Variants in IL1RAPL1 observed in about 807,000 individuals in gnomAD.
IL1RAPL1 encodes interleukin-1 receptor accessory protein-like 1.
IL1RAPL1 carries 3 observed loss-of-function variants against 48.4 expected under a neutral mutation model. The ratio of observed to expected loss-of-function variants is 0.06; its 90% CI spans 0.03 to 0.16. IL1RAPL1 has a LOEUF of 0.16. IL1RAPL1 is among the 10% of genes least tolerant of loss of function. IL1RAPL1 has a pLI of 1.00. For missense variants in IL1RAPL1, 349 were observed against 530.6 expected (o/e 0.66, Z 3.36); for synonymous variants, 185 against 187.7 (o/e 0.99, Z 0.12).
rs1211624274 is a variant in IL1RAPL1 at position 29,381,518 on chromosome X, A to AAC, written c.363-14739_363-14738insCA. 6.3e-5 allele frequency among the ~76,000 whole-genome samples: 6 copies of AAC among 94,879 alleles called. No homozygotes were observed. The East Asian group carries it at 1.7e-3, about 26-fold the overall frequency. The allele number at this position is 94,879 out of a possible 115,157, so 82.4% of individuals were successfully genotyped here. The stretch of plus-strand genomic sequence containing the variant: ...AAAAAAAAAAAAAAAAAAAAAAAAA[A>AAC]AAAAAAAAAAACTTAGCTGGACATG... On this transcript the variant is annotated intron_variant, in intron 3 of 10. Coordinates refer to ENST00000378993, the MANE Select transcript of IL1RAPL1 (RefSeq NM_014271.4).
At chrX:29,548,609 C>A (rs1015183745) in intron 5 of IL1RAPL1, among the ~76,000 whole-genome samples, 2 of 111,784 alleles carry the variant, frequency 1.8e-5, no homozygotes, top group African/African-American at 6.5e-5. Flanking sequence ...ATATATTTAT[C>A]AGCATGAATC....
chrX:29,361,645 TATTC>T (rs1158343669), intron 3 of IL1RAPL1, among the ~76,000 whole-genome samples: 1 of 111,947 alleles, frequency 8.9e-6, no homozygotes, highest in African/African-American at 3.2e-5. Context: ...TTAGCTAAAA[TATTC>T]ATTTTTGTAG....
At chrX:28,797,723 A>C (rs926246900) in intron 2 of IL1RAPL1, among the ~76,000 whole-genome samples, 1 of 111,612 alleles carries the variant, frequency 9.0e-6, no homozygotes, top group Non-Finnish European at 1.9e-5. Flanking sequence ...TCTTCTTCTG[A>C]ATCCTCCAAA....
rs773651776 is a variant in IL1RAPL1 at position 29,089,000 on chromosome X, A to T, written c.83-193938A>T. 2.8e-4 allele frequency among the ~76,000 whole-genome samples: 31 copies of T among 111,557 alleles called. No individual in the cohort carries two copies. In the South Asian group the frequency reaches 0.011, roughly 39 times the overall value. On this transcript the variant is annotated intron_variant, in intron 2 of 10. Coordinates refer to ENST00000378993, the MANE Select transcript of IL1RAPL1 (RefSeq NM_014271.4). ...AAAAAAATGTTTCCTGGAGAAAATG[A>T]GAACAGTCCTACCTTTAAGCAAATT...
intron 2 of IL1RAPL1, among the ~76,000 whole-genome samples, chrX:28,793,551 C>G (rs1319137798): frequency 9.0e-6 from 1 of 111,688 alleles, no homozygotes; most frequent in Non-Finnish European, 1.9e-5. Context: ...TCTATCTTTA[C>G]AAGGCCATTC....
At chrX:29,176,382 G>T (rs991112356) in intron 2 of IL1RAPL1, among the ~76,000 whole-genome samples, 1 of 107,296 alleles carries the variant, frequency 9.3e-6, no homozygotes, top group Non-Finnish European at 1.9e-5. Flanking sequence ...TGGGTACTTC[G>T]CTTTTTTGAC....
At chrX:29,599,838 T>G (rs1318955980) in intron 5 of IL1RAPL1, among the ~76,000 whole-genome samples, 1 of 112,220 alleles carries the variant, frequency 8.9e-6, no homozygotes, top group Non-Finnish European at 1.9e-5. Context: ...CATTTTGCAT[T>G]TCTCTGTGTG....
intron 2 of IL1RAPL1, among the ~76,000 whole-genome samples, chrX:29,177,664 A>G (rs1930053245): frequency 8.9e-6 from 1 of 112,041 alleles, no homozygotes; most frequent in Non-Finnish European, 1.9e-5. Context: ...TTACATAGGT[A>G]TACATGTGCC....
intron 2 of IL1RAPL1, among the ~76,000 whole-genome samples, chrX:28,799,077 AAG>A (rs1936645485): frequency 8.9e-6 from 1 of 111,823 alleles, no homozygotes; most frequent in African/African-American, 3.3e-5. Context: ...GTGAAGACAG[AAG>A]AGAGAGCAAT....
chrX:29,668,985 A>G (rs959590266), intron 6 of IL1RAPL1, among the ~76,000 whole-genome samples: 2 of 111,928 alleles, frequency 1.8e-5, no homozygotes, highest in South Asian at 3.7e-4. Flanking sequence ...TGGATAATCT[A>G]TTAATAAAAT....
intron 3 of IL1RAPL1, among the ~76,000 whole-genome samples, chrX:29,386,111 C>T (rs372222193): frequency 8.9e-5 from 10 of 111,831 alleles, no homozygotes; most frequent in African/African-American, 2.9e-4. Context: ...CTCACTGCAA[C>T]CTCCGCCTCC....
At chrX:28,798,929 T>G (rs1936643729) in intron 2 of IL1RAPL1, among the ~76,000 whole-genome samples, 1 of 111,920 alleles carries the variant, frequency 8.9e-6, no homozygotes. Flanking sequence ...ATTTTAAGAT[T>G]AATCTGCACT....
At chrX:29,236,765 T>G (rs1931316099) in intron 2 of IL1RAPL1, among the ~76,000 whole-genome samples, 1 of 104,683 alleles carries the variant, frequency 9.6e-6, no homozygotes, top group African/African-American at 3.5e-5. Flanking sequence ...AGACGGGGGT[T>G]TCACCGTGTT....
intron 5 of IL1RAPL1, among the ~76,000 whole-genome samples, chrX:29,643,221 C>T (rs1201381737): frequency 8.9e-6 from 1 of 111,918 alleles, no homozygotes; most frequent in African/African-American, 3.2e-5. Flanking sequence ...CAAAGTCACA[C>T]TTGTATGTCT....
intron 1 of IL1RAPL1, among the ~76,000 whole-genome samples, chrX:28,616,969 C>T (rs1056389245): frequency 8.9e-6 from 1 of 112,195 alleles, no homozygotes; most frequent in African/African-American, 3.2e-5. Context: ...AATTGTGAAA[C>T]TTTACAAGTT....
chrX:29,148,910 T>A (rs866550487), intron 2 of IL1RAPL1, among the ~76,000 whole-genome samples: 9 of 111,457 alleles, frequency 8.1e-5, no homozygotes, highest in African/African-American at 2.9e-4. Context: ...TTTTGTATAA[T>A]CCTTTAATTT....
intron 6 of IL1RAPL1, among the ~76,000 whole-genome samples, chrX:29,779,026 T>C (rs1293950352): frequency 3.6e-5 from 4 of 111,632 alleles, no homozygotes; most frequent in African/African-American, 1.3e-4. Context: ...ATTTATAAGC[T>C]CTCAGATGAT....
At chrX:29,461,072 T>C (rs1188456431) in intron 5 of IL1RAPL1, among the ~76,000 whole-genome samples, 1 of 111,615 alleles carries the variant, frequency 9.0e-6, no homozygotes, top group Non-Finnish European at 1.9e-5. Flanking sequence ...AGAAAATGTA[T>C]AACTCTTGAT....
intron 6 of IL1RAPL1, among the ~76,000 whole-genome samples, chrX:29,749,563 C>A (rs920983336): frequency 2.7e-5 from 3 of 111,676 alleles, no homozygotes; most frequent in Admixed American, 1.9e-4. Flanking sequence ...TATATACAAT[C>A]TTTTATGTTG....
Sources: gnomAD v4.1 joint callset for allele counts (sites outside exome capture counted in the v4.1 genomes callset) on GRCh38, gnomAD v4.1.1 for gene constraint, MANE v1.5 for transcripts, NCBI Gene and HGNC (gene_info 2026-07-23, HGNC 2026-07-21) for gene names.